Variants in CSF2RB observed in about 807,000 individuals in gnomAD.
CSF2RB encodes the protein colony stimulating factor 2 receptor subunit beta.
CSF2RB carries 22 observed loss-of-function variants against 67.2 expected under a neutral mutation model. That is an observed-to-expected ratio of 0.33 (90% CI 0.23 to 0.47). The LOEUF (loss-of-function observed/expected upper bound fraction) is 0.47. Among genes scored for constraint, CSF2RB ranks in the 20% least tolerant of loss-of-function variants. CSF2RB has a pLI of 1.00. For synonymous variants in CSF2RB, 507 were observed against 482.9 expected, an observed-to-expected ratio of 1.05 and a Z score of -0.65; for missense variants, 1,113 against 1,174.5, an observed-to-expected ratio of 0.95 and a Z score of 0.76.
At position 36,939,132 on chromosome 22, in the gene CSF2RB, CG is replaced by C; in HGVS notation, c.*637del. ...GAGAAATGGGCATGGTATTGGGGGT[CG>C]GGGGGGCGGTGCAAGGGACGCACAT... On this transcript the variant is annotated 3_prime_UTR_variant, in exon 14 of 14. Coordinates refer to ENST00000403662, the MANE Select transcript of CSF2RB (RefSeq NM_000395.3). 5 of 701,432 alleles carry C rather than the reference CG, an allele frequency of 7.1e-6. No individual in the cohort carries two copies. The highest frequency in any genetic ancestry group is 2.6e-6 in the Non-Finnish European group (1 of 384,544). 43.5% of individuals were successfully genotyped at this position (701,432 alleles called of 1,614,324 possible).
intron 1 of CSF2RB, among the ~76,000 whole-genome samples, chr22:36,915,365 T>G (rs1263492324): frequency 6.6e-6 from 1 of 151,860 alleles, no homozygotes; most frequent in African/African-American, 2.4e-5. Flanking sequence ...GATTACAGGC[T>G]TGAGCCACTG....
At chr22:36,926,880 T>C (rs1941029083) in intron 4 of CSF2RB, among the ~76,000 whole-genome samples, 1 of 152,220 alleles carries the variant, frequency 6.6e-6, no homozygotes, top group African/African-American at 2.4e-5. Context: ...AAAGTTTTCG[T>C]TGACGTGGCA....
chr22:36,917,869 G>A (rs1940760158), intron 1 of CSF2RB, among the ~76,000 whole-genome samples: 1 of 152,000 alleles, frequency 6.6e-6, no homozygotes, highest in South Asian at 2.1e-4. Context: ...ATTGCAGTGA[G>A]CCGAGATCAT....
chr22:36,929,401 G>C lies in CSF2RB; in HGVS notation c.392-1G>C, dbSNP rs755084001. The C allele has an allele frequency of 1.2e-6, 2 of 1,614,142 alleles. No individual in the cohort carries two copies. On this transcript the variant is annotated splice_acceptor_variant, in intron 4 of 13. Coordinates refer to ENST00000403662, the MANE Select transcript of CSF2RB (RefSeq NM_000395.3). LOFTEE classifies it high-confidence loss of function. ...GGTGCCCTTCACTTCCTCCCCTCCA[G>C]TCCAGCCTCCTGAGCCCAGGGACCT...
At chr22:36,922,933 C>T (rs1221996837) in intron 2 of CSF2RB, among the ~76,000 whole-genome samples, 2 of 151,824 alleles carry the variant, frequency 1.3e-5, no homozygotes, top group Non-Finnish European at 2.9e-5. Context: ...AGGGGCCAGG[C>T]CTGTGCTTGA....
intron 12 of CSF2RB, 133 bp downstream of exon 12, chr22:36,935,820 T>G (rs1477272949): frequency 2.0e-6 from 2 of 1,003,396 alleles, no homozygotes; most frequent in Admixed American, 4.2e-5. Flanking sequence ...TTTGGGAGCT[T>G]TGGGAGTGGG....
intron 1 of CSF2RB, among the ~76,000 whole-genome samples, chr22:36,921,722 T>C (rs1226320930): frequency 6.6e-6 from 1 of 152,120 alleles, no homozygotes; most frequent in Non-Finnish European, 1.5e-5. Flanking sequence ...CATGTGTTCA[T>C]GTCCAGGGGA....
intron 3 of CSF2RB, among the ~76,000 whole-genome samples, chr22:36,924,350 T>C (rs1212984518): frequency 6.7e-6 from 1 of 149,616 alleles, no homozygotes; most frequent in Non-Finnish European, 1.5e-5. Context: ...TGCTGTCTGG[T>C]CCTGTTGCTC....
At chr22:36,916,926 C>T (rs935117369) in intron 1 of CSF2RB, among the ~76,000 whole-genome samples, 2 of 152,152 alleles carry the variant, frequency 1.3e-5, no homozygotes, top group Non-Finnish European at 2.9e-5. Flanking sequence ...ATGTTGATTG[C>T]ATTGAATTTA....
At chr22:36,919,092 G>A (rs768322240) in intron 1 of CSF2RB, among the ~76,000 whole-genome samples, 9 of 152,268 alleles carry the variant, frequency 5.9e-5, no homozygotes, top group South Asian at 2.1e-4. Context: ...TAGTGGCAAC[G>A]GAGTATAGGA....
At chr22:36,929,145 C>T (rs559905519) in intron 4 of CSF2RB, among the ~76,000 whole-genome samples, 1 of 152,306 alleles carries the variant, frequency 6.6e-6, no homozygotes, top group African/African-American at 2.4e-5. Flanking sequence ...TGAGTTTCCT[C>T]GCCAGCGCTT....
At chr22:36,918,859 C>T (rs753147992) in intron 1 of CSF2RB, among the ~76,000 whole-genome samples, 2 of 152,186 alleles carry the variant, frequency 1.3e-5, no homozygotes, top group Admixed American at 6.5e-5. Flanking sequence ...GCATCATCTT[C>T]ACATATGGCT....
At chr22:36,914,359 G>T (rs1226746533) in intron 1 of CSF2RB, among the ~76,000 whole-genome samples, 1 of 151,714 alleles carries the variant, frequency 6.6e-6, no homozygotes, top group Non-Finnish European at 1.5e-5. Context: ...CCAGCACTTT[G>T]CCCAGAGACA....
At position 36,938,976 on chromosome 22, in the gene CSF2RB, A is replaced by T. The variant is rs1309145433; in HGVS notation, c.*474A>T. ...GGCAGTCGCTGATGCACATGACATG[A>T]TTCTCATCTGGGTGCAGAGGTGGGA... is the stretch of plus-strand genomic sequence containing the variant. On this transcript the variant is annotated 3_prime_UTR_variant, in exon 14 of 14. Coordinates refer to ENST00000403662, the MANE Select transcript of CSF2RB (RefSeq NM_000395.3). The T allele has an allele frequency of 6.6e-6, 4 of 608,246 alleles. No individual in the cohort carries two copies. The highest frequency in any genetic ancestry group is 1.2e-5 in the Non-Finnish European group (4 of 339,566). The allele number at this position is 608,246 out of a possible 1,614,324, so 37.7% of individuals were successfully genotyped here.
rs745676465 is a variant in CSF2RB at position 36,932,897 on chromosome 22, C to G, written c.1145C>G (p.Thr382Arg). Residue 382 changes from threonine (T) to arginine (R), a missense_variant, in exon 9 of 14, where the codon ACG becomes AGG. Physicochemically the swap from Thr to Arg is moderately conservative, Grantham distance 71 (BLOSUM62 -1). Around this residue, in one of 2 missense-constraint regions of CSF2RB, gnomAD observed 559 missense variants for 656.5 expected, o/e 0.85. Transcript: ENST00000403662. The part of the protein sequence containing the change: ...FEIQYRKDTA[T>R]WKDSKTETLQ... ...ATCCAGTACAGGAAAGACACGGCCA[C>G]GTGGAAGGTGAGGGCCTTTGCCCAG... The G allele has an allele frequency of 8.4e-5, 135 of 1,613,910 alleles. 1 individual carries two copies. Among genetic ancestry groups the G allele is most frequent in the Non-Finnish European group, 7.8e-5 (92 of 1,180,036 alleles).
Position 36,939,444 on chromosome 22 carries a change from A to C in CSF2RB, c.*942A>C. 5.4e-6 allele frequency: 3 copies of C among 555,556 alleles called. No individual in the cohort carries two copies. Among genetic ancestry groups the C allele is most frequent in the Non-Finnish European group, 6.5e-6 (2 of 308,824 alleles). The allele number at this position is 555,556 out of a possible 1,614,324, so 34.4% of individuals were successfully genotyped here. ...GCCACTCTTCCAGATAGACCAGGCA[A>C]CTCTCCCTCCCACCGGCCACAGATG... On this transcript the variant is annotated 3_prime_UTR_variant, in exon 14 of 14. Transcript: ENST00000403662.
chr22:36,938,269 G>A lies in CSF2RB; in HGVS notation c.2461G>A (p.Asp821Asn), dbSNP rs146598061. The A allele has an allele frequency of 3.7e-6, 6 of 1,614,174 alleles. No individual in the cohort carries two copies. Among genetic ancestry groups the A allele is most frequent in the Non-Finnish European group, 4.2e-6 (5 of 1,180,024 alleles). ...CCTCCTTGTCCTGCAGCAAGTGGGCGACTATTGCTTCCTCCCCGGCCTGGG... is the reference window on the plus strand; with the variant it reads ...CCTCCTTGTCCTGCAGCAAGTGGGCAACTATTGCTTCCTCCCCGGCCTGGG... ...EGLLVLQQVG[D>N]YCFLPGLGPG... Residue 821 changes from aspartate to asparagine, a missense_variant, in exon 14 of 14, where the codon GAC (aspartate) becomes AAC (asparagine). By Grantham distance (23) the Asp-to-Asn change is conservative. This residue lies in a region of CSF2RB where 554 missense variants were observed against 517.9 expected (regional missense o/e 1.07). Transcript: ENST00000403662.
At position 36,923,357 on chromosome 22, in the gene CSF2RB, C is replaced by T. The variant is rs774534225; in HGVS notation, c.190C>T (p.Arg64Trp). The change falls in exon 3 of 14, where the codon CGG (arginine) becomes TGG (tryptophan). Residue 64 changes from arginine to tryptophan, a missense_variant. Transcript: ENST00000403662. The part of the protein sequence containing the change: ...QRLVNVTLIR[R>W]VNEDLLEPVS... ...GCTCGTCAACGTGACCCTCATTCGCCGGGTGAATGAGTGAGTGATGCTGGG... is the reference window on the plus strand; with the variant it reads ...GCTCGTCAACGTGACCCTCATTCGCTGGGTGAATGAGTGAGTGATGCTGGG... 4.3e-6 allele frequency: 7 copies of T among 1,613,686 alleles called. No individual in the cohort carries two copies. The highest frequency in any genetic ancestry group is 4.2e-6 in the Non-Finnish European group (5 of 1,179,822).
intron 1 of CSF2RB, among the ~76,000 whole-genome samples, chr22:36,921,408 A>G (rs1289687183): frequency 6.7e-6 from 1 of 149,310 alleles, no homozygotes; most frequent in African/African-American, 2.5e-5. Flanking sequence ...GTATATATGT[A>G]TGTATCTGTG....
Sources: gnomAD v4.1 joint callset for allele counts (sites outside exome capture counted in the v4.1 genomes callset) on GRCh38, gnomAD v4.1.1 for gene constraint, gnomAD v4.1.1 regional missense constraint, MANE v1.5 for transcripts, NCBI Gene and HGNC (gene_info 2026-07-23, HGNC 2026-07-21) for gene names.